PDZRN3: variants seen among roughly 807,000 people sequenced by gnomAD.
The protein encoded by PDZRN3 is PDZ domain containing ring finger 3.
A neutral mutation model predicts 85.7 loss-of-function variants in PDZRN3; 38 were observed. That is an observed-to-expected ratio of 0.44 (90% CI 0.34 to 0.58). PDZRN3 has a LOEUF of 0.58. PDZRN3 is among the 20% of genes least tolerant of loss of function. The pLI is 0.01. For missense variants in PDZRN3, 1,629 were observed against 1,506.4 expected (o/e 1.08, Z -1.35); for synonymous variants, 759 against 638.0 (o/e 1.19, Z -2.86).
intron 3 of PDZRN3, among the ~76,000 whole-genome samples, chr3:73,521,337 G>C (rs1695716631): frequency 1.3e-5 from 2 of 152,128 alleles, no homozygotes; most frequent in African/African-American, 4.8e-5. Context: ...ATCAGCTGAG[G>C]AAAGCTTTGC....
rs549165993 is a variant in PDZRN3 at position 73,439,420 on chromosome 3, T to C, written c.919-35025A>G. Among the ~76,000 whole-genome samples the C allele has an allele frequency of 9.2e-5, 14 of 152,314 alleles. 1 individual carries two copies. Among genetic ancestry groups the C allele is most frequent in the South Asian group, 4.1e-4 (2 of 4,826 alleles). ...TTGCTCCCACAAGCCCTGTATACTA[T>C]GCATGGCTAGAGAGCCCAAATCACA... On this transcript the variant is annotated intron_variant, in intron 3 of 9. Transcript: ENST00000263666.
chr3:73,458,047 C>T (rs1703023260), intron 3 of PDZRN3, among the ~76,000 whole-genome samples: 1 of 152,216 alleles, frequency 6.6e-6, no homozygotes, highest in African/African-American at 2.4e-5. Context: ...GACAGGCACA[C>T]AGGGCTCAGA....
chr3:73,546,170 T>C (rs528539704), intron 3 of PDZRN3, among the ~76,000 whole-genome samples: 1 of 152,216 alleles, frequency 6.6e-6, no homozygotes, highest in Non-Finnish European at 1.5e-5. Context: ...TGAATAACTC[T>C]GGGTGAAATT....
At chr3:73,600,327 A>T (rs1575758435) in intron 3 of PDZRN3, among the ~76,000 whole-genome samples, 1 of 103,586 alleles carries the variant, frequency 9.7e-6, no homozygotes, top group East Asian at 3.1e-4. Flanking sequence ...ACACACACAC[A>T]CACACACACA....
chr3:73,480,607 A>C (rs1347959890), intron 3 of PDZRN3, among the ~76,000 whole-genome samples: 1 of 151,972 alleles, frequency 6.6e-6, no homozygotes, highest in Admixed American at 6.6e-5. Flanking sequence ...CTACCCCATC[A>C]CCCAGAGTGC....
At chr3:73,584,453 GT>G (rs34524961) in intron 3 of PDZRN3, among the ~76,000 whole-genome samples, 3,272 of 10,538 alleles carry the variant, frequency 0.31, 140 homozygotes, top group African/African-American at 0.49. Context: ...TCATTTAATG[GT>G]GTGTGTGTGT....
rs760292974 is a variant in PDZRN3, at chr3:73,624,733, C to G, written c.93G>C (p.Thr31=). 1 of 1,529,270 alleles carries G rather than the reference C, an allele frequency of 6.5e-7. No individual in the cohort carries two copies. The highest frequency in any genetic ancestry group is 8.7e-7 in the Non-Finnish European group (1 of 1,147,016). 94.7% of individuals were successfully genotyped at this position (1,529,270 alleles called of 1,614,324 possible). A position where few individuals can be genotyped will look rare whatever the true frequency, so the allele number is the denominator to read the frequency against. Residue 31 remains threonine, a synonymous_variant, in exon 1 of 10, where the codon ACG becomes ACC. Transcript: ENST00000263666. ...CGGCGCAGAAGACGTGGCCGCACGG[C>G]GTGGTCAGCGGGTCCTCCAGGACCT... ...CHKVLEDPLT[T]PCGHVFCAGC... is the part of the protein sequence containing the mutation.
chr3:73,389,743 G>GACCTATCA, intron 7 of PDZRN3, 73 bp downstream of exon 7: 7 of 1,092,534 alleles, frequency 6.4e-6, no homozygotes, highest in Non-Finnish European at 9.9e-6. Flanking sequence ...TTCAACCCTA[G>GACCTATCA]ACCTATCATT....
intron 3 of PDZRN3, among the ~76,000 whole-genome samples, chr3:73,510,025 GTAC>G (rs1704135581): frequency 6.6e-6 from 1 of 152,188 alleles, no homozygotes. Flanking sequence ...TTCATCTGTC[GTAC>G]ACTGGAGGTT....
intron 3 of PDZRN3, among the ~76,000 whole-genome samples, chr3:73,584,452 G>GGTGTGTGTGT (rs56393203): frequency 1.7e-4 from 14 of 83,982 alleles, no homozygotes; most frequent in African/African-American, 4.1e-4. Context: ...TTCATTTAAT[G>GGTGTGTGTGT]GTGTGTGTGT....
chr3:73,624,903 G>A lies in PDZRN3; in HGVS notation c.-78C>T, dbSNP rs556771321. On this transcript the variant is annotated 5_prime_UTR_variant, in exon 1 of 10. Coordinates refer to ENST00000263666, the MANE Select transcript of PDZRN3 (RefSeq NM_015009.3). ...CCCCACGAGGCGGCCCAGACAGGCC[G>A]GCTACGCCGCCCGCGCGCTCGCTGG... 13 of 1,138,168 alleles carry A rather than the reference G, an allele frequency of 1.1e-5. No individual in the cohort carries two copies. Among genetic ancestry groups the A allele is most frequent in the Non-Finnish European group, 1.3e-5 (12 of 900,120 alleles). 70.5% of individuals were successfully genotyped at this position (1,138,168 alleles called of 1,614,324 possible).
intron 3 of PDZRN3, among the ~76,000 whole-genome samples, chr3:73,457,117 G>T (rs1703000295): frequency 6.6e-6 from 1 of 152,078 alleles, no homozygotes; most frequent in Admixed American, 6.5e-5. Flanking sequence ...CTGTCGCCCA[G>T]GCTGGAGTGC....
chr3:73,447,311 T>A (rs1011942835), intron 3 of PDZRN3, among the ~76,000 whole-genome samples: 3 of 151,914 alleles, frequency 2.0e-5, no homozygotes, highest in African/African-American at 7.2e-5. Context: ...CAGACCTCCA[T>A]CCCTCCCACT....
chr3:73,540,042 C>T (rs1187051032), intron 3 of PDZRN3, among the ~76,000 whole-genome samples: 5 of 121,926 alleles, frequency 4.1e-5, no homozygotes, highest in South Asian at 2.6e-4. Flanking sequence ...GTGTCTCTAA[C>T]GACTTAGATA....
intron 3 of PDZRN3, among the ~76,000 whole-genome samples, chr3:73,526,079 C>T (rs1704515672): frequency 6.6e-6 from 1 of 152,146 alleles, no homozygotes; most frequent in Non-Finnish European, 1.5e-5. Context: ...AGTTACTGAA[C>T]CTCTCTGGGC....
intron 3 of PDZRN3, among the ~76,000 whole-genome samples, chr3:73,576,460 A>G (rs1702124730): frequency 6.6e-6 from 1 of 152,198 alleles, no homozygotes; most frequent in South Asian, 2.1e-4. Context: ...AGAATGCCAT[A>G]GCCTGACTTT....
intron 3 of PDZRN3, among the ~76,000 whole-genome samples, chr3:73,472,225 G>A (rs1703358060): frequency 6.6e-6 from 1 of 152,168 alleles, no homozygotes; most frequent in Admixed American, 6.5e-5. Flanking sequence ...TTTGTTTATA[G>A]GTGTCCTTTC....
intron 3 of PDZRN3, among the ~76,000 whole-genome samples, chr3:73,600,705 G>A (rs1180133136): frequency 6.6e-6 from 1 of 152,120 alleles, no homozygotes; most frequent in East Asian, 1.9e-4. Flanking sequence ...AAACACAAGA[G>A]CAATGAAATT....
chr3:73,551,688 CAAAAA>C (rs71126878), intron 3 of PDZRN3, among the ~76,000 whole-genome samples: 6 of 104,578 alleles, frequency 5.7e-5, no homozygotes, highest in Admixed American at 1.0e-4. Context: ...GACCCTGTTT[CAAAAA>C]AAAAAAAAAA....
Sources: gnomAD v4.1 joint callset for allele counts (sites outside exome capture counted in the v4.1 genomes callset) on GRCh38, gnomAD v4.1.1 for gene constraint, MANE v1.5 for transcripts, NCBI Gene and HGNC (gene_info 2026-07-23, HGNC 2026-07-21) for gene names.